Variants in EPB41L4B observed in about 807,000 individuals in gnomAD.
EPB41L4B encodes the protein erythrocyte membrane protein band 4.1 like 4B, also known as band 4.1-like protein 4B.
In EPB41L4B, 30 loss-of-function variants were observed where a neutral mutation model predicts 112.5. The observed-to-expected ratio is 0.27, with a 90% CI of 0.20 to 0.36. EPB41L4B has a LOEUF of 0.36. Among genes scored for constraint, EPB41L4B ranks in the 10% least tolerant of loss-of-function variants. The probability of loss-of-function intolerance (pLI) is 1.00; values close to 1 mark genes in which losing one functional copy is unlikely to be tolerated. For missense variants in EPB41L4B, 1,024 were observed against 1,133.3 expected (o/e 0.90, Z 1.38); for synonymous variants, 408 against 439.7 (o/e 0.93, Z 0.90).
At chr9:109,240,827 T>C (rs1230008271) in intron 15 of EPB41L4B, 2 of 985,464 alleles carry the variant, frequency 2.0e-6, no homozygotes, top group East Asian at 1.1e-4. Context: ...TTCACAATTA[T>C]GTCTTCTGAA....
chr9:109,224,238 G>C (rs1316804733), intron 15 of EPB41L4B, among the ~76,000 whole-genome samples: 1 of 152,020 alleles, frequency 6.6e-6, no homozygotes, highest in East Asian at 1.9e-4. Context: ...ACTTACATGT[G>C]AATGTTCATA....
intron 24 of EPB41L4B, among the ~76,000 whole-genome samples, chr9:109,182,230 C>CA (rs966768055): frequency 5.3e-5 from 8 of 151,950 alleles, no homozygotes; most frequent in African/African-American, 1.9e-4. Flanking sequence ...AACAAACAAA[C>CA]AAAAAAAGAA....
At chr9:109,185,358 A>C (rs1436007573) in intron 23 of EPB41L4B, 131 bp downstream of exon 23, 1 of 722,392 alleles carries the variant, frequency 1.4e-6, no homozygotes, top group Non-Finnish European at 2.4e-6. Context: ...ATCTGGAGTG[A>C]GGGCACCTGT....
intron 1 of EPB41L4B, among the ~76,000 whole-genome samples, chr9:109,285,695 C>T (rs1836248730): frequency 6.6e-6 from 1 of 152,124 alleles, no homozygotes; most frequent in African/African-American, 2.4e-5. Context: ...CACCATCTCT[C>T]ACTCTTCCCA....
chr9:109,248,868 G>T (rs1474138987), intron 13 of EPB41L4B, among the ~76,000 whole-genome samples: 2 of 151,602 alleles, frequency 1.3e-5, no homozygotes, highest in Non-Finnish European at 2.9e-5. Flanking sequence ...GACCATCCTG[G>T]CTAATACGGT....
chr9:109,232,327 C>T (rs1377292413), intron 15 of EPB41L4B, among the ~76,000 whole-genome samples: 3 of 151,314 alleles, frequency 2.0e-5, no homozygotes, highest in Admixed American at 6.6e-5. Flanking sequence ...TTTTTTGGTG[C>T]GTCTCATTTC....
At chr9:109,191,280 C>T (rs758867030) in intron 22 of EPB41L4B, among the ~76,000 whole-genome samples, 1 of 152,206 alleles carries the variant, frequency 6.6e-6, no homozygotes, top group Non-Finnish European at 1.5e-5. Context: ...CATACATGCA[C>T]TCATGCCTCA....
At chr9:109,239,685 C>G (rs1564287066) in intron 15 of EPB41L4B, 1 of 272,846 alleles carries the variant, frequency 3.7e-6, no homozygotes, top group African/African-American at 2.3e-5. Context: ...AGTATGCATA[C>G]TGGTGAGGCT....
At chr9:109,228,088 A>G (rs2118893979) in intron 15 of EPB41L4B, among the ~76,000 whole-genome samples, 1 of 152,342 alleles carries the variant, frequency 6.6e-6, no homozygotes, top group South Asian at 2.1e-4. Flanking sequence ...TCTCCAGAAT[A>G]ATATTGAATA....
chr9:109,259,077 C>T (rs984716428), intron 6 of EPB41L4B, among the ~76,000 whole-genome samples: 9 of 152,222 alleles, frequency 5.9e-5, no homozygotes, highest in Non-Finnish European at 1.2e-4. Flanking sequence ...AAAAGGAATC[C>T]TCTAGAGTTC....
At chr9:109,313,973 G>C (rs921675718) in intron 1 of EPB41L4B, among the ~76,000 whole-genome samples, 1 of 152,204 alleles carries the variant, frequency 6.6e-6, no homozygotes, top group African/African-American at 2.4e-5. Flanking sequence ...CAACCTTTGT[G>C]TATTTTCAAA....
intron 1 of EPB41L4B, among the ~76,000 whole-genome samples, chr9:109,294,744 G>A (rs1836671740): frequency 6.6e-6 from 1 of 151,800 alleles, no homozygotes; most frequent in African/African-American, 2.4e-5. Flanking sequence ...GTATTAACAG[G>A]TTAAACAATA....
intron 1 of EPB41L4B, among the ~76,000 whole-genome samples, chr9:109,296,871 C>CA (rs748065925): frequency 0.059 from 4,117 of 69,278 alleles, 176 homozygotes; most frequent in East Asian, 0.22. Context: ...GGCCATGTCT[C>CA]AAAAAAAAAA....
At chr9:109,307,227 C>T (rs1564335187) in intron 1 of EPB41L4B, 8 of 406,196 alleles carry the variant, frequency 2.0e-5, no homozygotes, top group Admixed American at 1.0e-4. Context: ...TAAATTTTTC[C>T]TTTTTTTTTT....
intron 15 of EPB41L4B, among the ~76,000 whole-genome samples, chr9:109,232,553 C>T (rs1833989952): frequency 6.6e-6 from 1 of 152,170 alleles, no homozygotes; most frequent in Admixed American, 6.5e-5. Flanking sequence ...TCTGACAGAG[C>T]TACGGCAGAC....
At chr9:109,270,984 T>A (rs1407835128) in intron 2 of EPB41L4B, among the ~76,000 whole-genome samples, 1 of 152,236 alleles carries the variant, frequency 6.6e-6, no homozygotes, top group African/African-American at 2.4e-5. Flanking sequence ...GTTTTCCACA[T>A]CCTCTCCTAC....
At position 109,261,917 on chromosome 9, in the gene EPB41L4B, G is replaced by A. The variant is rs551787778; in HGVS notation, c.631+1133C>T. 3.0e-4 allele frequency among the ~76,000 whole-genome samples: 46 copies of A among 152,290 alleles called. No homozygotes were observed. The South Asian group carries it at 8.7e-3, about 29-fold the overall frequency. ...GTAATTACTAATTATGAATGAATAT[G>A]TCATAATCCATAATCCAGTAGAAGC... On this transcript the variant is annotated intron_variant, in intron 6 of 25. Coordinates refer to ENST00000374566, the MANE Select transcript of EPB41L4B (RefSeq NM_019114.5).
chr9:109,297,139 C>G (rs1836761106), intron 1 of EPB41L4B, among the ~76,000 whole-genome samples: 1 of 142,456 alleles, frequency 7.0e-6, no homozygotes, highest in African/African-American at 2.7e-5. Context: ...ACACAGACAC[C>G]AGGGACACAT....
chr9:109,215,303 A>G (rs1331167786), intron 16 of EPB41L4B, among the ~76,000 whole-genome samples: 1 of 152,052 alleles, frequency 6.6e-6, no homozygotes, highest in African/African-American at 2.4e-5. Flanking sequence ...TTTTTGAGAC[A>G]GAGTCTCACT....
Sources: allele counts gnomAD v4.1 joint callset (sites outside exome capture counted in the v4.1 genomes callset), GRCh38; gene constraint gnomAD v4.1.1; transcripts MANE v1.5; gene names NCBI Gene and HGNC (gene_info 2026-07-23, HGNC 2026-07-21).